Variants in SP4 observed in about 807,000 individuals in gnomAD.
SP4 encodes transcription factor Sp4.
SP4 carries 19 observed loss-of-function variants against 72.8 expected under a neutral mutation model. That is an observed-to-expected ratio of 0.26 (90% CI 0.18 to 0.38). The LOEUF is 0.38. Ranked by LOEUF, SP4 falls within the 10% of genes least tolerant of loss-of-function variation. The pLI, the probability that SP4 is intolerant of heterozygous loss-of-function variation, is 1.00. For missense variants in SP4, 1,008 were observed against 926.3 expected, an observed-to-expected ratio of 1.09 and a Z score of -1.14; for synonymous variants, 395 against 333.1, an observed-to-expected ratio of 1.19 and a Z score of -2.02.
chr7:21,455,956 A>G (rs1438890705), intron 3 of SP4, among the ~76,000 whole-genome samples: 1 of 152,156 alleles, frequency 6.6e-6, no homozygotes, highest in Non-Finnish European at 1.5e-5. Context: ...CTCCCTTCAA[A>G]TATGACCCTG....
chr7:21,500,140 G>A (rs548364276), intron 5 of SP4, among the ~76,000 whole-genome samples: 1 of 152,180 alleles, frequency 6.6e-6, no homozygotes, highest in East Asian at 1.9e-4. Context: ...GGCAAAAGGA[G>A]CATTTTTTTT....
At chr7:21,454,979 A>G (rs1204986173) in intron 3 of SP4, among the ~76,000 whole-genome samples, 2 of 152,180 alleles carry the variant, frequency 1.3e-5, no homozygotes, top group Non-Finnish European at 2.9e-5. Flanking sequence ...TTTGAACCCA[A>G]AAGGGAAATT....
Position 21,467,310 on chromosome 7 carries a change from A to T in SP4, c.1679-9769A>T, listed in dbSNP as rs1784196152. Among the ~76,000 whole-genome samples the T allele has an allele frequency of 2.6e-5, 4 of 151,420 alleles. No homozygotes were observed. In the South Asian group the frequency reaches 6.3e-4, roughly 24 times the overall value. On this transcript the variant is annotated intron_variant, in intron 3 of 5. Transcript: ENST00000222584. ...ACTTAGAGCCAACAAAAGTAGAATT[A>T]AAAAAAAATTTTTTTTTAAATCTAG...
intron 5 of SP4, among the ~76,000 whole-genome samples, chr7:21,507,838 T>C (rs1782040499): frequency 6.6e-6 from 1 of 152,084 alleles, no homozygotes; most frequent in Non-Finnish European, 1.5e-5. Context: ...TGCACACCCA[T>C]GGAATCACTT....
intron 3 of SP4, among the ~76,000 whole-genome samples, chr7:21,447,443 G>A (rs1260239255): frequency 1.7e-4 from 26 of 152,146 alleles, no homozygotes. Context: ...TAGAAATTTA[G>A]TAGAAGAGTT....
At position 21,428,176 on chromosome 7, in the gene SP4, T is replaced by TCCCCCCCCCCCCCCCC; in HGVS notation, c.-74_-73insCCCCCCCCCCCCCCCC. ...ACCGCGGGCGGGCGGGACCGGCCTC[T>TCCCCCCCCCCCCCCCC]CCTCCCGCCTCGCCCCCACCCCCAC... On this transcript the variant is annotated 5_prime_UTR_variant, in exon 1 of 6. Transcript: ENST00000222584. 2.8e-6 allele frequency: 2 copies of TCCCCCCCCCCCCCCCC among 718,778 alleles called. No individual in the cohort carries two copies. Among genetic ancestry groups the TCCCCCCCCCCCCCCCC allele is most frequent in the Admixed American group, 2.0e-5 (1 of 49,084 alleles). The allele number at this position is 718,778 out of a possible 1,614,324, so 44.5% of individuals were successfully genotyped here.
intron 5 of SP4, among the ~76,000 whole-genome samples, chr7:21,486,736 G>A (rs1784823299): frequency 6.6e-6 from 1 of 152,156 alleles, no homozygotes; most frequent in African/African-American, 2.4e-5. Context: ...TTTCTTCACT[G>A]TAAAGTTACA....
At chr7:21,493,984 G>C (rs1785042449) in intron 5 of SP4, among the ~76,000 whole-genome samples, 1 of 152,072 alleles carries the variant, frequency 6.6e-6, no homozygotes, top group Non-Finnish European at 1.5e-5. Context: ...AGAATGAAAA[G>C]CTGTTTGAAT....
chr7:21,505,220 T>C (rs982785952), intron 5 of SP4, among the ~76,000 whole-genome samples: 1 of 152,230 alleles, frequency 6.6e-6, no homozygotes, highest in African/African-American at 2.4e-5. Flanking sequence ...GCAGACCCAC[T>C]ATTCCCAGTA....
At chr7:21,470,245 C>T (rs888304106) in intron 3 of SP4, among the ~76,000 whole-genome samples, 2 of 152,166 alleles carry the variant, frequency 1.3e-5, no homozygotes, top group African/African-American at 4.8e-5. Context: ...TTCAGTGTGT[C>T]AGGAACCTTG....
intron 5 of SP4, among the ~76,000 whole-genome samples, chr7:21,489,257 A>G (rs929989265): frequency 6.6e-6 from 1 of 152,252 alleles, no homozygotes; most frequent in Non-Finnish European, 1.5e-5. Context: ...TTTTAACAAA[A>G]TAAGGAATAT....
At chr7:21,468,557 G>T (rs1784237850) in intron 3 of SP4, among the ~76,000 whole-genome samples, 1 of 151,014 alleles carries the variant, frequency 6.6e-6, no homozygotes, top group Admixed American at 6.6e-5. Flanking sequence ...TTGCTGATAT[G>T]GTTGGGAACT....
chr7:21,454,074 C>G (rs1379714247), intron 3 of SP4, among the ~76,000 whole-genome samples: 1 of 152,124 alleles, frequency 6.6e-6, no homozygotes, highest in Non-Finnish European at 1.5e-5. Flanking sequence ...ACATGGTTAA[C>G]TCTTAGCAGC....
chr7:21,482,187 T>C, intron 5 of SP4, 64 bp downstream of exon 5: 1 of 1,323,836 alleles, frequency 7.6e-7, no homozygotes, highest in Non-Finnish European at 1.1e-6. Flanking sequence ...AAAATTTTAG[T>C]GATAGTTTAG....
In SP4 at chr7:21,501,083, A is replaced by G. The variant is rs778345295; in HGVS notation, c.2108-9939A>G. On this transcript the variant is annotated intron_variant, in intron 5 of 5. Transcript: ENST00000222584. Reference sequence around the variant, plus strand: ...CTCATAGGTCGAGTATTACAGGGTTACAATCTTCCCGGACATCATCCAAGT... The same window carrying G: ...CTCATAGGTCGAGTATTACAGGGTTGCAATCTTCCCGGACATCATCCAAGT... Among the ~76,000 whole-genome samples, 3 of 152,148 alleles carry G rather than the reference A, an allele frequency of 2.0e-5. No individual in the cohort carries two copies. The South Asian group carries it at 6.2e-4, about 32-fold the overall frequency.
At chr7:21,462,010 G>C (rs979844799) in intron 3 of SP4, among the ~76,000 whole-genome samples, 1 of 150,070 alleles carries the variant, frequency 6.7e-6, no homozygotes, top group Admixed American at 6.7e-5. Context: ...CATTTATAAA[G>C]CAGTGTTTTA....
At position 21,487,762 on chromosome 7, in the gene SP4, A is replaced by ATGGTGG. The variant is rs745424097; in HGVS notation, c.2107+5671_2107+5676dup. ...CAAGTTGATGATGATGATGATGATG[A>ATGGTGG]TGGTGGTGGTGGTGGTGGTGGTGGT... is the stretch of plus-strand genomic sequence containing the variant. On this transcript the variant is annotated intron_variant, in intron 5 of 5. Transcript: ENST00000222584. 9.8e-3 allele frequency among the ~76,000 whole-genome samples: 699 copies of ATGGTGG among 71,244 alleles called. 4 individuals carry two copies. Among genetic ancestry groups the ATGGTGG allele is most frequent in the African/African-American group, 0.021 (613 of 28,526 alleles). 46.7% of individuals were successfully genotyped at this position (71,244 alleles called of 152,430 possible). A position where few individuals can be genotyped will look rare whatever the true frequency, so the allele number is the denominator to read the frequency against.
intron 3 of SP4, among the ~76,000 whole-genome samples, chr7:21,440,178 A>G (rs1215796262): frequency 6.6e-6 from 1 of 152,136 alleles, no homozygotes; most frequent in Non-Finnish European, 1.5e-5. Flanking sequence ...AATTAGTTGT[A>G]CCACTCTGGG....
intron 5 of SP4, among the ~76,000 whole-genome samples, chr7:21,503,228 T>C (rs1031319164): frequency 5.3e-5 from 8 of 152,142 alleles, no homozygotes; most frequent in African/African-American, 1.4e-4. Flanking sequence ...GGGTGGAGTA[T>C]ATGGCCACTA....
Sources: gnomAD v4.1 joint callset for allele counts (sites outside exome capture counted in the v4.1 genomes callset) on GRCh38, gnomAD v4.1.1 for gene constraint, MANE v1.5 for transcripts, NCBI Gene and HGNC (gene_info 2026-07-23, HGNC 2026-07-21) for gene names.